NRXN3: variants seen among roughly 807,000 people sequenced by gnomAD.
The protein encoded by NRXN3 is neurexin III.
NRXN3 carries 32 observed loss-of-function variants against 137.6 expected under a neutral mutation model. The ratio of observed to expected loss-of-function variants is 0.23; its 90% CI spans 0.18 to 0.31. The LOEUF (loss-of-function observed/expected upper bound fraction) is 0.31. Ranked by LOEUF, NRXN3 falls within the 10% of genes least tolerant of loss-of-function variation. The pLI is 1.00. For synonymous variants in NRXN3, 798 were observed against 784.5 expected (o/e 1.02, Z -0.29); for missense variants, 1,574 against 2,062.5 (o/e 0.76, Z 4.59).
At chr14:79,774,505 A>T (rs1015809179) in intron 19 of NRXN3, among the ~76,000 whole-genome samples, 1 of 152,194 alleles carries the variant, frequency 6.6e-6, no homozygotes, top group African/African-American at 2.4e-5. Flanking sequence ...GGAATAAAAG[A>T]GGGAAGAACA....
At chr14:78,526,658 C>A in intron 4 of NRXN3, 1 of 419,648 alleles carries the variant, frequency 2.4e-6, no homozygotes, top group Non-Finnish European at 4.7e-6. Flanking sequence ...TAACAATTAA[C>A]TGAATGCTTA....
intron 17 of NRXN3, among the ~76,000 whole-genome samples, chr14:79,681,643 C>A (rs1336468745): frequency 6.6e-6 from 1 of 152,006 alleles, no homozygotes; most frequent in Non-Finnish European, 1.5e-5. Context: ...AGTCTCACGG[C>A]CCACCCAGAA....
At chr14:79,249,313 G>A (rs1268588738) in intron 15 of NRXN3, among the ~76,000 whole-genome samples, 1 of 152,146 alleles carries the variant, frequency 6.6e-6, no homozygotes, top group Admixed American at 6.5e-5. Flanking sequence ...ACTGACCAAG[G>A]AGAGTTACAA....
chr14:79,861,031 CAT>C lies in NRXN3; in HGVS notation c.4094-310_4094-309del. ...ACTAATTGTTTTTCTTTTTCTTTTC[CAT>C]CCCAGGAGGTGAATTAGTTATCCCT... On this transcript the variant is annotated intron_variant, in intron 20 of 20. Coordinates refer to ENST00000335750, the MANE Select transcript of NRXN3 (RefSeq NM_001330195.2). This position sits in a 1 kb window ranked among gnomAD's most constrained non-coding sequence, Gnocchi z 5.4. The C allele has an allele frequency of 2.2e-6, 3 of 1,378,088 alleles. No individual in the cohort carries two copies. The highest frequency in any genetic ancestry group is 1.9e-6 in the Non-Finnish European group (2 of 1,064,976). 85.4% of individuals were successfully genotyped at this position (1,378,088 alleles called of 1,614,324 possible).
intron 15 of NRXN3, among the ~76,000 whole-genome samples, chr14:79,438,972 T>A (rs1477317451): frequency 6.6e-6 from 1 of 152,276 alleles, no homozygotes; most frequent in African/African-American, 2.4e-5. Flanking sequence ...ATGTTTGGCA[T>A]GGGCCATGCA....
At chr14:79,005,295 AAAAGTCAT>A (rs1409805456) in intron 15 of NRXN3, among the ~76,000 whole-genome samples, 1 of 152,228 alleles carries the variant, frequency 6.6e-6, no homozygotes, top group Non-Finnish European at 1.5e-5. Context: ...TACAGCTAGA[AAAAGTCAT>A]GTACTTGGCA....
intron 10 of NRXN3, among the ~76,000 whole-genome samples, chr14:78,907,627 A>G (rs1164971773): frequency 6.6e-6 from 1 of 152,048 alleles, no homozygotes; most frequent in East Asian, 1.9e-4. Context: ...CCATGTCTAC[A>G]TAATAAGAAG....
chr14:79,409,416 A>ATAGGTATATGTATACATATATGCATATG, intron 15 of NRXN3, among the ~76,000 whole-genome samples: 1 of 151,024 alleles, frequency 6.6e-6, no homozygotes, highest in South Asian at 2.1e-4. Flanking sequence ...ATATACATAT[A>ATAGGTATATGTATACATATATGCATATG]TAGGTATATG....
At chr14:78,913,075 A>G (rs1181196998) in intron 10 of NRXN3, among the ~76,000 whole-genome samples, 1 of 152,150 alleles carries the variant, frequency 6.6e-6, no homozygotes, top group Non-Finnish European at 1.5e-5. Flanking sequence ...AGGCAAGGCA[A>G]ACACTAAACA....
intron 8 of NRXN3, chr14:78,744,516 T>C (rs890182735): frequency 7.9e-5 from 12 of 152,250 alleles, no homozygotes; most frequent in African/African-American, 2.9e-4. Context: ...TACATTTTTA[T>C]GTGGCAGCTT....
At chr14:78,994,176 T>C (rs2099525051) in intron 15 of NRXN3, among the ~76,000 whole-genome samples, 1 of 151,966 alleles carries the variant, frequency 6.6e-6, no homozygotes, top group Non-Finnish European at 1.5e-5. Flanking sequence ...TACAAGTAGG[T>C]TCAAAGCAAA....
chr14:79,752,355 G>T (rs1478426316), intron 19 of NRXN3, among the ~76,000 whole-genome samples: 1 of 152,078 alleles, frequency 6.6e-6, no homozygotes, highest in African/African-American at 2.4e-5. Flanking sequence ...GCATGGTACT[G>T]GTACCAAAAC....
Position 78,468,914 on chromosome 14 carries a change from C to T in NRXN3, c.757+171054C>T, listed in dbSNP as rs148878849. 3.5e-3 allele frequency among the ~76,000 whole-genome samples: 539 copies of T among 152,014 alleles called. 3 individuals carry two copies. The highest frequency in any genetic ancestry group is 6.8e-3 in the Middle Eastern group (2 of 294). On this transcript the variant is annotated intron_variant, in intron 4 of 20. Coordinates refer to ENST00000335750, the MANE Select transcript of NRXN3 (RefSeq NM_001330195.2). ...CAAAGATGGCTTTGAGGAACCTGGG[C>T]TTGGGTGACTGAGAAGATGGTAAAG...
At chr14:79,242,551 C>T (rs552277617) in intron 15 of NRXN3, among the ~76,000 whole-genome samples, 1 of 152,172 alleles carries the variant, frequency 6.6e-6, no homozygotes, top group African/African-American at 2.4e-5. Context: ...GGACCTAAAG[C>T]TGCAGTGAGG....
intron 15 of NRXN3, among the ~76,000 whole-genome samples, chr14:79,091,043 G>A (rs990899365): frequency 6.8e-6 from 1 of 147,542 alleles, no homozygotes; most frequent in Non-Finnish European, 1.5e-5. Context: ...TTTTCTGTGA[G>A]AAAACAGTAC....
chr14:78,833,449 C>T (rs931624421), intron 10 of NRXN3, among the ~76,000 whole-genome samples: 2 of 152,154 alleles, frequency 1.3e-5, no homozygotes, highest in African/African-American at 4.8e-5. Flanking sequence ...GCAAGGTGAA[C>T]ATCCCTTGGA....
chr14:79,220,726 T>A (rs928221684), intron 15 of NRXN3, among the ~76,000 whole-genome samples: 8 of 152,088 alleles, frequency 5.3e-5, no homozygotes, highest in Non-Finnish European at 8.8e-5. Flanking sequence ...TGCATTTAAG[T>A]GTCTTCCATA....
At chr14:79,386,113 G>GAGAAGGAAATA (rs1452957049) in intron 15 of NRXN3, among the ~76,000 whole-genome samples, 1 of 152,060 alleles carries the variant, frequency 6.6e-6, no homozygotes, top group Non-Finnish European at 1.5e-5. Context: ...GGGCAATCAG[G>GAGAAGGAAATA]CAGGAGAAGG....
At chr14:79,134,568 C>T (rs1452803449) in intron 15 of NRXN3, among the ~76,000 whole-genome samples, 1 of 152,206 alleles carries the variant, frequency 6.6e-6, no homozygotes, top group Non-Finnish European at 1.5e-5. Context: ...CTATGCTTCT[C>T]ATTGCCATAG....
Sources: allele counts gnomAD v4.1 joint callset (sites outside exome capture counted in the v4.1 genomes callset), GRCh38; gene constraint gnomAD v4.1.1; non-coding constraint Gnocchi (gnomAD v3.1); transcripts MANE v1.5; gene names NCBI Gene and HGNC (gene_info 2026-07-23, HGNC 2026-07-21).